Variants in IL1RAPL2 observed in about 807,000 individuals in gnomAD.
The protein encoded by IL1RAPL2 is interleukin 1 receptor accessory protein like 2.
A neutral mutation model predicts 44.1 loss-of-function variants in IL1RAPL2; 3 were observed. The ratio of observed to expected loss-of-function variants is 0.07; its 90% CI spans 0.03 to 0.18. The LOEUF is 0.18. Among genes scored for constraint, IL1RAPL2 ranks in the 10% least tolerant of loss-of-function variants. The pLI is 1.00. For missense variants in IL1RAPL2, 391 were observed against 496.4 expected, an observed-to-expected ratio of 0.79 and a Z score of 2.02; for synonymous variants, 181 against 178.8, an observed-to-expected ratio of 1.01 and a Z score of -0.10.
chrX:105,667,778 G>A (rs1371409510), intron 6 of IL1RAPL2, among the ~76,000 whole-genome samples: 2 of 111,136 alleles, frequency 1.8e-5, no homozygotes, highest in Admixed American at 9.6e-5. Context: ...GGATAGAAGG[G>A]GAAGATTCCC....
chrX:104,747,704 G>A (rs1932200236), intron 2 of IL1RAPL2, among the ~76,000 whole-genome samples: 1 of 111,227 alleles, frequency 9.0e-6, no homozygotes. Context: ...TTGGAGGCAT[G>A]GGAATGGCAT....
chrX:105,487,882 G>A (rs901980588), intron 6 of IL1RAPL2, among the ~76,000 whole-genome samples: 1 of 112,153 alleles, frequency 8.9e-6, no homozygotes, highest in Non-Finnish European at 1.9e-5. Flanking sequence ...CTCTGTCTAT[G>A]TCTGGAAAAC....
intron 1 of IL1RAPL2, among the ~76,000 whole-genome samples, chrX:104,568,470 G>C (rs966172450): frequency 2.7e-5 from 3 of 111,703 alleles, no homozygotes; most frequent in African/African-American, 9.8e-5. Context: ...CGCAGCAGCC[G>C]ACCCAAGGTT....
chrX:105,536,840 CT>C (rs2036680940), intron 6 of IL1RAPL2, among the ~76,000 whole-genome samples: 1 of 111,723 alleles, frequency 9.0e-6, no homozygotes, highest in South Asian at 3.7e-4. Context: ...AGTTGTACAT[CT>C]TTTTTAACAT....
chrX:104,942,581 C>G (rs1446179064), intron 2 of IL1RAPL2, among the ~76,000 whole-genome samples: 1 of 111,666 alleles, frequency 9.0e-6, no homozygotes, highest in African/African-American at 3.3e-5. Context: ...TTATCAGCTT[C>G]AGGAGATTTT....
intron 2 of IL1RAPL2, among the ~76,000 whole-genome samples, chrX:104,894,048 C>T (rs1602790364): frequency 9.0e-6 from 1 of 111,398 alleles, no homozygotes; most frequent in Admixed American, 9.6e-5. Flanking sequence ...ACTTATGAAG[C>T]TTGGTTTGGC....
chrX:105,090,346 T>A (rs185124772), intron 2 of IL1RAPL2, among the ~76,000 whole-genome samples: 2 of 111,917 alleles, frequency 1.8e-5, no homozygotes, highest in East Asian at 5.6e-4. Context: ...CTGCAAATAC[T>A]GTATTTTCTA....
intron 10 of IL1RAPL2, among the ~76,000 whole-genome samples, chrX:105,757,135 A>G (rs1235617409): frequency 8.9e-6 from 1 of 111,750 alleles, no homozygotes; most frequent in Non-Finnish European, 1.9e-5. Flanking sequence ...TTTGTCTCCT[A>G]CCACTTCCTC....
intron 5 of IL1RAPL2, among the ~76,000 whole-genome samples, chrX:105,464,093 G>A (rs2036112219): frequency 8.9e-6 from 1 of 111,987 alleles, no homozygotes; most frequent in African/African-American, 3.2e-5. Context: ...ATGTCTTTGG[G>A]AAATTATATT....
At chrX:105,653,385 A>C (rs2037654694) in intron 6 of IL1RAPL2, among the ~76,000 whole-genome samples, 2 of 111,620 alleles carry the variant, frequency 1.8e-5, no homozygotes, top group Admixed American at 1.9e-4. Context: ...TATAAAATTG[A>C]ACATTTCTGA....
intron 2 of IL1RAPL2, among the ~76,000 whole-genome samples, chrX:105,048,919 C>T (rs780071843): frequency 1.8e-4 from 20 of 112,045 alleles, no homozygotes; most frequent in Non-Finnish European, 3.0e-4. Context: ...AGACTTAATG[C>T]CTTTATCTTC....
chrX:104,582,578 TTTTC>T (rs202138780), intron 1 of IL1RAPL2, among the ~76,000 whole-genome samples: 14 of 59,843 alleles, frequency 2.3e-4, no homozygotes, highest in Middle Eastern at 8.3e-3. Flanking sequence ...CTTTCTTTCT[TTTTC>T]TTTCTTTCTT....
chrX:105,647,124 T>C lies in IL1RAPL2; in HGVS notation c.773-70243T>C, dbSNP rs2037611849. ...CGGGCACTTAGCTGCACAGGAACAA[T>C]AGCAAGCCTCTAGCCTGATCGGGAG... is the stretch of plus-strand genomic sequence containing the variant. On this transcript the variant is annotated intron_variant, in intron 6 of 10. Transcript: ENST00000372582. Among the ~76,000 whole-genome samples, 2 of 111,806 alleles carry C rather than the reference T, an allele frequency of 1.8e-5. 1 individual carries two copies. Among genetic ancestry groups the C allele is most frequent in the Admixed American group, 1.9e-4 (2 of 10,590 alleles).
At position 105,692,290 on chromosome X, in the gene IL1RAPL2, A is replaced by G. The variant is rs189960935; in HGVS notation, c.773-25077A>G. Among the ~76,000 whole-genome samples, 3 of 112,134 alleles carry G rather than the reference A, an allele frequency of 2.7e-5. No individual in the cohort carries two copies. The East Asian group carries it at 8.5e-4, about 32-fold the overall frequency. On this transcript the variant is annotated intron_variant, in intron 6 of 10. Transcript: ENST00000372582. ...TAGGCACTAATATTATCTCCATGTTACAGGCAAATAAACGAAGACACAGAT... is the reference window on the plus strand; with the variant it reads ...TAGGCACTAATATTATCTCCATGTTGCAGGCAAATAAACGAAGACACAGAT...
intron 5 of IL1RAPL2, among the ~76,000 whole-genome samples, chrX:105,431,999 T>C (rs1161703676): frequency 9.1e-6 from 1 of 110,482 alleles, no homozygotes. Flanking sequence ...CTGGCCAAAA[T>C]TGTGACCAGG....
chrX:104,797,420 T>C (rs968300068), intron 2 of IL1RAPL2, among the ~76,000 whole-genome samples: 8 of 110,872 alleles, frequency 7.2e-5, no homozygotes, highest in Non-Finnish European at 1.5e-4. Context: ...AATCTCTAGG[T>C]GTTTTTTGTT....
chrX:105,227,782 T>G (rs1429463126), intron 3 of IL1RAPL2, among the ~76,000 whole-genome samples: 1 of 112,268 alleles, frequency 8.9e-6, no homozygotes, highest in African/African-American at 3.2e-5. Context: ...CCCTTTCCAA[T>G]CAAGCTTAAA....
intron 2 of IL1RAPL2, among the ~76,000 whole-genome samples, chrX:105,084,970 T>C (rs185187513): frequency 1.8e-5 from 2 of 111,331 alleles, no homozygotes; most frequent in Non-Finnish European, 3.8e-5. Context: ...AAGTGTTTGA[T>C]ATTTCCTCCT....
intron 2 of IL1RAPL2, among the ~76,000 whole-genome samples, chrX:104,776,841 A>G (rs1005763181): frequency 4.5e-5 from 5 of 111,799 alleles, no homozygotes; most frequent in Non-Finnish European, 9.4e-5. Flanking sequence ...TAATGAACCA[A>G]TATTTATGCA....
Sources: allele counts gnomAD v4.1 joint callset (sites outside exome capture counted in the v4.1 genomes callset), GRCh38; gene constraint gnomAD v4.1.1; transcripts MANE v1.5; gene names NCBI Gene and HGNC (gene_info 2026-07-23, HGNC 2026-07-21).